The following CBFA2T2 variants were observed in gnomAD, a reference collection of about 807,000 sequenced individuals.
CBFA2T2 encodes the protein CBFA2/RUNX1 partner transcriptional co-repressor 2.
CBFA2T2 carries 11 observed loss-of-function variants against 62.2 expected under a neutral mutation model. The ratio of observed to expected loss-of-function variants is 0.18; its 90% CI spans 0.11 to 0.29. The LOEUF is 0.29. Ranked by LOEUF, CBFA2T2 falls within the 10% of genes least tolerant of loss-of-function variation. The pLI is 1.00. For missense variants in CBFA2T2, 592 were observed against 774.1 expected, an observed-to-expected ratio of 0.76 and a Z score of 2.79; for synonymous variants, 295 against 287.5, an observed-to-expected ratio of 1.03 and a Z score of -0.27.
At position 33,538,844 on chromosome 20, in the gene CBFA2T2, G is replaced by GT. The variant is rs1486362205; in HGVS notation, c.34+48546dup. On this transcript the variant is annotated intron_variant, in intron 1 of 10. Coordinates refer to ENST00000342704, the MANE Select transcript of CBFA2T2 (RefSeq NM_001032999.3). ...TGGTCTTAGATATTATCATATTGTT[G>GT]TTTGTTTTTTTTTTTTAATTAGTTA... is the stretch of plus-strand genomic sequence containing the variant. 3.5e-5 allele frequency among the ~76,000 whole-genome samples: 5 copies of GT among 143,470 alleles called. No homozygotes were observed. In the South Asian group the frequency reaches 1.1e-3, roughly 32 times the overall value. 94.1% of individuals were successfully genotyped at this position (143,470 alleles called of 152,430 possible).
intron 1 of CBFA2T2, among the ~76,000 whole-genome samples, chr20:33,571,890 T>G (rs1210365872): frequency 4.6e-5 from 7 of 152,144 alleles, no homozygotes; most frequent in Admixed American, 2.6e-4. Flanking sequence ...TGTTTGTTTG[T>G]TTGGTTTGTT....
intron 1 of CBFA2T2, among the ~76,000 whole-genome samples, chr20:33,577,402 A>C (rs938278605): frequency 1.4e-4 from 22 of 152,090 alleles, no homozygotes; most frequent in African/African-American, 5.1e-4. Context: ...GCCACTCCTT[A>C]AGCCCATGTA....
chr20:33,615,699 A>G (rs900830084), intron 3 of CBFA2T2, among the ~76,000 whole-genome samples: 7 of 152,054 alleles, frequency 4.6e-5, no homozygotes, highest in Non-Finnish European at 8.8e-5. Flanking sequence ...CAGCTGAGGC[A>G]GGTGGATTGT....
intron 1 of CBFA2T2, among the ~76,000 whole-genome samples, chr20:33,534,673 C>G (rs2012152981): frequency 6.6e-6 from 1 of 151,766 alleles, no homozygotes; most frequent in Non-Finnish European, 1.5e-5. Flanking sequence ...AATATTTTCT[C>G]CCAGCGTATT....
At position 33,648,716 on chromosome 20, in the gene CBFA2T2, A is replaced by G. The variant is rs2017140324; in HGVS notation, c.*4070A>G. ...GGACACATCTTGCCACCACAAGTCCACACCTGGCCTTGGCTGCTGCCCGCT... is the reference window on the plus strand; with the variant it reads ...GGACACATCTTGCCACCACAAGTCCGCACCTGGCCTTGGCTGCTGCCCGCT... On this transcript the variant is annotated 3_prime_UTR_variant, in exon 11 of 11. Coordinates refer to ENST00000342704, the MANE Select transcript of CBFA2T2 (RefSeq NM_001032999.3). 1 of 152,218 alleles carries G rather than the reference A, an allele frequency of 6.6e-6. No homozygotes were observed. Among genetic ancestry groups the G allele is most frequent in the African/African-American group, 2.4e-5 (1 of 41,450 alleles). 9.4% of individuals were successfully genotyped at this position (152,218 alleles called of 1,614,324 possible).
At chr20:33,518,190 C>T (rs548335791) in intron 1 of CBFA2T2, among the ~76,000 whole-genome samples, 11 of 151,770 alleles carry the variant, frequency 7.2e-5, no homozygotes, top group South Asian at 2.1e-4. Flanking sequence ...CCTCATGATC[C>T]GCCTGCCTTG....
chr20:33,585,911 A>G (rs1384157705), intron 1 of CBFA2T2, among the ~76,000 whole-genome samples: 3 of 152,244 alleles, frequency 2.0e-5, no homozygotes, highest in Non-Finnish European at 4.4e-5. Flanking sequence ...GGGGAAATTT[A>G]TATTAAAACC....
intron 4 of CBFA2T2, among the ~76,000 whole-genome samples, chr20:33,620,643 C>T (rs2015921193): frequency 6.6e-6 from 1 of 152,148 alleles, no homozygotes; most frequent in East Asian, 1.9e-4. Context: ...AGTTAGAGAC[C>T]AGCCTGACTA....
intron 1 of CBFA2T2, among the ~76,000 whole-genome samples, chr20:33,503,711 A>G (rs1012684334): frequency 1.3e-5 from 2 of 152,146 alleles, no homozygotes; most frequent in Non-Finnish European, 2.9e-5. Context: ...TTTTTGTGAC[A>G]GGGTCTTACT....
intron 1 of CBFA2T2, among the ~76,000 whole-genome samples, chr20:33,551,330 C>T (rs1328616334): frequency 6.6e-6 from 1 of 151,836 alleles, no homozygotes; most frequent in African/African-American, 2.4e-5. Context: ...GATTCTCCTG[C>T]CTCAGCCTCC....
intron 3 of CBFA2T2, among the ~76,000 whole-genome samples, chr20:33,613,586 C>T (rs563212982): frequency 6.6e-6 from 1 of 152,300 alleles, no homozygotes; most frequent in African/African-American, 2.4e-5. Context: ...TTTGTTGGGG[C>T]CTGGTCACAT....
At chr20:33,502,464 TG>T (rs940444813) in intron 1 of CBFA2T2, among the ~76,000 whole-genome samples, 1 of 151,834 alleles carries the variant, frequency 6.6e-6, no homozygotes, top group African/African-American at 2.4e-5. Flanking sequence ...TGGAGTGCAG[TG>T]GCCCGATCTC....
chr20:33,545,944 A>G (rs1367372085), intron 1 of CBFA2T2, among the ~76,000 whole-genome samples: 2 of 152,238 alleles, frequency 1.3e-5, no homozygotes, highest in Non-Finnish European at 2.9e-5. Flanking sequence ...TGAAGCTGTT[A>G]ACATAATCTG....
intron 1 of CBFA2T2, among the ~76,000 whole-genome samples, chr20:33,505,737 C>T (rs1028820208): frequency 3.3e-5 from 5 of 150,428 alleles, no homozygotes; most frequent in South Asian, 4.2e-4. Context: ...GCCGAGATCG[C>T]GCCATTGCAC....
At chr20:33,558,442 CT>C (rs900308389) in intron 1 of CBFA2T2, among the ~76,000 whole-genome samples, 1 of 152,128 alleles carries the variant, frequency 6.6e-6, no homozygotes, top group Non-Finnish European at 1.5e-5. Flanking sequence ...CCTTATTTCT[CT>C]TTTAATGTAT....
intron 1 of CBFA2T2, among the ~76,000 whole-genome samples, chr20:33,491,676 C>CA (rs1236632315): frequency 6.6e-6 from 1 of 151,682 alleles, no homozygotes; most frequent in African/African-American, 2.4e-5. Context: ...TTTAGGCTTG[C>CA]AAAGGTACAG....
chr20:33,514,673 G>T (rs1259466883), intron 1 of CBFA2T2, among the ~76,000 whole-genome samples: 1 of 151,866 alleles, frequency 6.6e-6, no homozygotes, highest in Non-Finnish European at 1.5e-5. Context: ...CTTTTAAAGA[G>T]ATTGCTTTTA....
chr20:33,544,990 T>TAGAACAGAAC (rs1423129077), intron 1 of CBFA2T2, among the ~76,000 whole-genome samples: 71 of 136,158 alleles, frequency 5.2e-4, no homozygotes, highest in African/African-American at 2.1e-3. Flanking sequence ...TAGAATAGAA[T>TAGAACAGAAC]AGAATAGAAT....
chr20:33,630,635 A>C (rs2016413500), intron 8 of CBFA2T2, among the ~76,000 whole-genome samples: 1 of 152,112 alleles, frequency 6.6e-6, no homozygotes, highest in Admixed American at 6.6e-5. Context: ...ATTCCCCTCA[A>C]AATGTTCCAG....
Sources: gnomAD v4.1 joint callset for allele counts (sites outside exome capture counted in the v4.1 genomes callset) on GRCh38, gnomAD v4.1.1 for gene constraint, MANE v1.5 for transcripts, NCBI Gene and HGNC (gene_info 2026-07-23, HGNC 2026-07-21) for gene names.